The following OTOA variants were observed in gnomAD, a reference collection of about 807,000 sequenced individuals.
OTOA encodes otoancorin.
A neutral mutation model predicts 110.8 loss-of-function variants in OTOA; 70 were observed. The observed-to-expected ratio is 0.63, with a 90% CI of 0.52 to 0.77. The LOEUF is 0.77. OTOA is among the 30% of genes least tolerant of loss of function. The pLI is 0.00. For missense variants in OTOA, 917 were observed against 1,075.8 expected (o/e 0.85, Z 2.06); for synonymous variants, 373 against 431.5 (o/e 0.86, Z 1.68).
intron 11 of OTOA, chr16:21,704,924 C>G: frequency 3.8e-6 from 3 of 783,016 alleles, no homozygotes; most frequent in Non-Finnish European, 7.1e-6. Flanking sequence ...CTGATTGGAT[C>G]GTGGACCATG....
At chr16:21,721,774 C>T (rs1211405771) in intron 17 of OTOA, among the ~76,000 whole-genome samples, 1 of 152,020 alleles carries the variant, frequency 6.6e-6, no homozygotes, top group African/African-American at 2.4e-5. Context: ...TGCCTGTAGT[C>T]CTAGCTACTT....
chr16:21,738,555 C>T (rs1899420392), intron 22 of OTOA, among the ~76,000 whole-genome samples: 3 of 144,220 alleles, frequency 2.1e-5, no homozygotes, highest in African/African-American at 7.6e-5. Flanking sequence ...AGATGATCTT[C>T]CCCTGGAGTT....
chr16:21,725,486 C>G (rs532694585), intron 18 of OTOA, among the ~76,000 whole-genome samples: 2 of 152,162 alleles, frequency 1.3e-5, no homozygotes, highest in Admixed American at 6.5e-5. Flanking sequence ...TGGGATTTCA[C>G]CATGTCGCTC....
At chr16:21,700,341 A>T (rs1898026339) in intron 10 of OTOA, among the ~76,000 whole-genome samples, 1 of 152,204 alleles carries the variant, frequency 6.6e-6, no homozygotes, top group South Asian at 2.1e-4. Flanking sequence ...TAAAAAGCCC[A>T]GTTTCTCAGA....
At chr16:21,672,650 A>G (rs1367585773) in intron 1 of OTOA, among the ~76,000 whole-genome samples, 2 of 151,960 alleles carry the variant, frequency 1.3e-5, no homozygotes, top group East Asian at 3.9e-4. Flanking sequence ...TTGACATATA[A>G]TAATTGTACA....
intron 27 of OTOA, among the ~76,000 whole-genome samples, chr16:21,754,080 T>TA (rs1567408828): frequency 3.6e-4 from 47 of 132,194 alleles, no homozygotes; most frequent in East Asian, 1.5e-3. Context: ...ATATATATAT[T>TA]TTTTTCTATA....
At chr16:21,707,992 C>G (rs1898243891) in intron 12 of OTOA, among the ~76,000 whole-genome samples, 1 of 151,768 alleles carries the variant, frequency 6.6e-6, no homozygotes, top group South Asian at 2.1e-4. Flanking sequence ...CGGGGTTTCA[C>G]CATGTGGCCA....
chr16:21,700,377 G>C (rs1015550316), intron 10 of OTOA, among the ~76,000 whole-genome samples: 1 of 152,120 alleles, frequency 6.6e-6, no homozygotes, highest in Non-Finnish European at 1.5e-5. Flanking sequence ...CTTTCCTAAA[G>C]AATAGTTAGG....
intron 21 of OTOA, among the ~76,000 whole-genome samples, chr16:21,735,517 C>T (rs1390896887): frequency 6.6e-6 from 1 of 152,092 alleles, no homozygotes; most frequent in Non-Finnish European, 1.5e-5. Flanking sequence ...GGTACACATC[C>T]AAACTATGTC....
At chr16:21,706,270 G>A (rs1898166113) in intron 12 of OTOA, among the ~76,000 whole-genome samples, 1 of 152,174 alleles carries the variant, frequency 6.6e-6, no homozygotes, top group Non-Finnish European at 1.5e-5. Flanking sequence ...GATTACAGGT[G>A]TGAGCCATTG....
chr16:21,715,878 T>G (rs2141699084), intron 14 of OTOA, among the ~76,000 whole-genome samples: 1 of 152,046 alleles, frequency 6.6e-6, no homozygotes, highest in Non-Finnish European at 1.5e-5. Context: ...CTGAAAGCCC[T>G]TTTCATGGTC....
intron 20 of OTOA, among the ~76,000 whole-genome samples, chr16:21,729,314 G>T (rs1404349907): frequency 3.3e-5 from 5 of 152,124 alleles, no homozygotes; most frequent in Non-Finnish European, 7.4e-5. Context: ...TGGGATTATA[G>T]GTATGGGCCA....
intron 6 of OTOA, among the ~76,000 whole-genome samples, chr16:21,683,240 G>T (rs1298580528): frequency 6.6e-6 from 1 of 152,156 alleles, no homozygotes; most frequent in Non-Finnish European, 1.5e-5. Context: ...GAGAATAATA[G>T]CTGGCACTAT....
intron 1 of OTOA, among the ~76,000 whole-genome samples, chr16:21,668,431 A>G (rs1477101583): frequency 2.4e-5 from 3 of 123,430 alleles, no homozygotes; most frequent in Admixed American, 7.8e-5. Flanking sequence ...ATTTTATGGT[A>G]TTTTTTGTTT....
At chr16:21,674,138 G>T (rs1966853007) in intron 1 of OTOA, among the ~76,000 whole-genome samples, 1 of 151,724 alleles carries the variant, frequency 6.6e-6, no homozygotes, top group Non-Finnish European at 1.5e-5. Flanking sequence ...TCATTTTTCT[G>T]GGATAAATGC....
intron 8 of OTOA, among the ~76,000 whole-genome samples, chr16:21,690,506 C>A (rs1414177891): frequency 2.0e-5 from 3 of 152,024 alleles, no homozygotes; most frequent in African/African-American, 7.3e-5. Flanking sequence ...CATTCATGTC[C>A]CTGCAAAAGA....
At chr16:21,709,556 C>T (rs1416626253) in intron 12 of OTOA, among the ~76,000 whole-genome samples, 1 of 152,094 alleles carries the variant, frequency 6.6e-6, no homozygotes, top group Non-Finnish European at 1.5e-5. Flanking sequence ...CACCAGAGGA[C>T]AACAGATGCT....
chr16:21,699,662 T>TACTC (rs1261762247), intron 10 of OTOA, among the ~76,000 whole-genome samples: 1 of 152,088 alleles, frequency 6.6e-6, no homozygotes, highest in Non-Finnish European at 1.5e-5. Context: ...CTCACGCCTC[T>TACTC]ACTCCCAGCA....
At chr16:21,722,428 T>A (rs890391405) in intron 17 of OTOA, among the ~76,000 whole-genome samples, 1 of 150,646 alleles carries the variant, frequency 6.6e-6, no homozygotes, top group Non-Finnish European at 1.5e-5. Flanking sequence ...TTAAGCTATA[T>A]ATATAGTTTA....
Sources: allele counts gnomAD v4.1 joint callset (sites outside exome capture counted in the v4.1 genomes callset), GRCh38; gene constraint gnomAD v4.1.1; transcripts MANE v1.5; gene names NCBI Gene and HGNC (gene_info 2026-07-23, HGNC 2026-07-21).